The following ZNF407 variants were observed in gnomAD, a reference collection of about 807,000 sequenced individuals.
ZNF407 encodes the protein zinc finger protein 407.
In ZNF407, 17 loss-of-function variants were observed where a neutral mutation model predicts 131.2. That is an observed-to-expected ratio of 0.13 (90% confidence interval 0.09 to 0.19). The LOEUF is 0.19. Ranked by LOEUF, ZNF407 falls within the 10% of genes least tolerant of loss-of-function variation. The probability of loss-of-function intolerance (pLI) is 1.00; values close to 1 mark genes in which losing one functional copy is unlikely to be tolerated. For missense variants in ZNF407, 2,681 were observed against 2,830.6 expected, an observed-to-expected ratio of 0.95 and a Z score of 1.20; for synonymous variants, 1,156 against 1,062.0, an observed-to-expected ratio of 1.09 and a Z score of -1.72.
intron 3 of ZNF407, among the ~76,000 whole-genome samples, chr18:74,699,672 A>C (rs1165088151): frequency 6.6e-6 from 1 of 152,170 alleles, no homozygotes; most frequent in Non-Finnish European, 1.5e-5. Context: ...TTAATTTGCT[A>C]GATTTGGACA....
In ZNF407 at chr18:75,050,763, A is replaced by AT. The variant is rs1178117919; in HGVS notation, c.5429-12386dup. ...TTCCAAGGCTGATTTCTCTAGAAAC[A>AT]TCCACGAAAAGATAATCTACAGTAA... On this transcript the variant is annotated intron_variant, in intron 8 of 8. Coordinates refer to ENST00000299687, the MANE Select transcript of ZNF407 (RefSeq NM_017757.3). Among the ~76,000 whole-genome samples the AT allele has an allele frequency of 2.6e-5, 4 of 152,240 alleles. No homozygotes were observed. The East Asian group carries it at 5.8e-4, about 22-fold the overall frequency.
chr18:74,819,594 C>T lies in ZNF407; in HGVS notation c.4877+38092C>T, dbSNP rs1015103889. On this transcript the variant is annotated intron_variant, in intron 4 of 8. Transcript: ENST00000299687. ...CACAGGAGGCAGAGCCCAGGGAGCT[C>T]GGGGCATGGCATTCCTAGGACGGGA... Among the ~76,000 whole-genome samples the T allele has an allele frequency of 3.9e-5, 6 of 152,130 alleles. No individual in the cohort carries two copies. In the South Asian group the frequency reaches 8.3e-4, roughly 21 times the overall value.
intron 3 of ZNF407, among the ~76,000 whole-genome samples, chr18:74,766,938 G>A (rs530195507): frequency 2.4e-4 from 36 of 152,172 alleles, no homozygotes; most frequent in African/African-American, 8.4e-4. Context: ...TTGAGATAGA[G>A]TCTCACTCTG....
intron 4 of ZNF407, among the ~76,000 whole-genome samples, chr18:74,821,423 C>G (rs1434414536): frequency 6.6e-6 from 1 of 150,738 alleles, no homozygotes; most frequent in Non-Finnish European, 1.5e-5. Flanking sequence ...CTCCCCTAGT[C>G]CCCCACCCCA....
At chr18:74,727,508 A>G (rs984620137) in intron 3 of ZNF407, among the ~76,000 whole-genome samples, 7 of 152,176 alleles carry the variant, frequency 4.6e-5, no homozygotes, top group African/African-American at 7.2e-5. Context: ...AATGCAGTAC[A>G]TTGCTGTTTC....
At chr18:74,781,387 G>T (rs1231497396) in intron 3 of ZNF407, 41 bp from the exon 4 acceptor site, 3 of 1,350,414 alleles carry the variant, frequency 2.2e-6, no homozygotes, top group Non-Finnish European at 3.1e-6. Flanking sequence ...CTAGTGGAGA[G>T]TCAAGTTTTA....
intron 8 of ZNF407, among the ~76,000 whole-genome samples, chr18:74,934,605 T>A (rs1204272693): frequency 3.3e-5 from 5 of 152,182 alleles, no homozygotes; most frequent in Admixed American, 3.3e-4. Context: ...TGTCAGGAGT[T>A]CAAGATCATG....
intron 8 of ZNF407, chr18:75,061,241 A>G (rs980776148): frequency 1.2e-4 from 19 of 152,358 alleles, no homozygotes; most frequent in African/African-American, 4.3e-4. Flanking sequence ...TTAAAGCAGA[A>G]TATCTCAAAA....
intron 8 of ZNF407, among the ~76,000 whole-genome samples, chr18:74,965,207 A>G (rs1972396484): frequency 6.6e-6 from 1 of 152,162 alleles, no homozygotes; most frequent in African/African-American, 2.4e-5. Context: ...ATTATTATGT[A>G]CTATAGTTAC....
chr18:75,045,124 G>A (rs1037433798), intron 8 of ZNF407, among the ~76,000 whole-genome samples: 2 of 151,854 alleles, frequency 1.3e-5, no homozygotes, highest in Admixed American at 1.3e-4. Flanking sequence ...GTGTGGGGGT[G>A]CGTGGGGCGG....
intron 3 of ZNF407, among the ~76,000 whole-genome samples, chr18:74,748,626 A>G (rs1488748023): frequency 1.3e-5 from 2 of 152,182 alleles, no homozygotes; most frequent in East Asian, 3.8e-4. Flanking sequence ...TTCAATCTAT[A>G]GAAAATGAAA....
intron 8 of ZNF407, among the ~76,000 whole-genome samples, chr18:74,942,022 A>G (rs568042634): frequency 6.6e-6 from 1 of 152,308 alleles, no homozygotes; most frequent in South Asian, 2.1e-4. Context: ...TGTTGGGTTG[A>G]AGATCGCTGT....
intron 1 of ZNF407, among the ~76,000 whole-genome samples, chr18:74,613,189 C>T (rs1983139024): frequency 6.6e-6 from 1 of 152,216 alleles, no homozygotes; most frequent in Non-Finnish European, 1.5e-5. Context: ...TAGGCAATTT[C>T]TTGCTAAAAA....
chr18:74,912,627 A>C (rs1001958587), intron 7 of ZNF407, among the ~76,000 whole-genome samples: 3 of 152,208 alleles, frequency 2.0e-5, no homozygotes, highest in Non-Finnish European at 4.4e-5. Flanking sequence ...TTTTGAATCA[A>C]ATCTAGTATT....
intron 8 of ZNF407, among the ~76,000 whole-genome samples, chr18:74,921,531 A>C (rs1337414794): frequency 6.6e-6 from 1 of 152,148 alleles, no homozygotes; most frequent in Non-Finnish European, 1.5e-5. Flanking sequence ...GACCTGTTAG[A>C]GTTGCTTTTA....
At chr18:74,853,712 G>T (rs528356834) in intron 4 of ZNF407, among the ~76,000 whole-genome samples, 1 of 152,146 alleles carries the variant, frequency 6.6e-6, no homozygotes, top group South Asian at 2.1e-4. Flanking sequence ...TGTCTGTGTT[G>T]CTGCTCTCTG....
chr18:74,827,088 T>C (rs1015739765), intron 4 of ZNF407, among the ~76,000 whole-genome samples: 3 of 152,238 alleles, frequency 2.0e-5, no homozygotes, highest in African/African-American at 7.2e-5. Context: ...AGTTCTTTAG[T>C]TTCTCCTTAA....
At chr18:75,047,542 T>G (rs1434539170) in intron 8 of ZNF407, among the ~76,000 whole-genome samples, 1 of 152,232 alleles carries the variant, frequency 6.6e-6, no homozygotes, top group Non-Finnish European at 1.5e-5. Flanking sequence ...GAGGATTTTT[T>G]TTTCCCTTCA....
At chr18:74,644,475 T>A (rs1483316265) in intron 3 of ZNF407, among the ~76,000 whole-genome samples, 1 of 151,890 alleles carries the variant, frequency 6.6e-6, no homozygotes, top group East Asian at 1.9e-4. Context: ...TTTCTTTCAG[T>A]AGTCAAAAAC....
Sources: gnomAD v4.1 joint callset for allele counts (sites outside exome capture counted in the v4.1 genomes callset) on GRCh38, gnomAD v4.1.1 for gene constraint, MANE v1.5 for transcripts, NCBI Gene and HGNC (gene_info 2026-07-23, HGNC 2026-07-21) for gene names.